Variants in TENM1 observed in about 807,000 individuals in gnomAD.
TENM1 encodes the protein teneurin transmembrane protein 1.
TENM1 carries 35 observed loss-of-function variants against 174.8 expected under a neutral mutation model. The observed-to-expected ratio is 0.20, with a 90% CI of 0.15 to 0.27. TENM1 has a LOEUF of 0.27. Ranked by LOEUF, TENM1 falls within the 10% of genes least tolerant of loss-of-function variation. The pLI, the probability that TENM1 is intolerant of heterozygous loss-of-function variation, is 1.00. For synonymous variants in TENM1, 781 were observed against 798.7 expected, an observed-to-expected ratio of 0.98 and a Z score of 0.37; for missense variants, 1,633 against 2,130.1, an observed-to-expected ratio of 0.77 and a Z score of 4.59.
exon 24 of TENM1, chrX:124,422,276 A>G: frequency 8.3e-7 from 1 of 1,206,280 alleles, no homozygotes; most frequent in Non-Finnish European, 1.1e-6. Flanking sequence ...TCATACCTGA[A>G]AAACAGTCAC....
chrX:124,376,337 C>A (rs938258682), exon 32 of TENM1: 8 of 112,277 alleles, frequency 7.1e-5, no homozygotes, highest in African/African-American at 2.6e-4. Flanking sequence ...TTCTCTTTTT[C>A]GCCTTCTTTC....
At chrX:125,194,282 C>T in the TENM1 span, among the ~76,000 whole-genome samples, 1 of 111,366 alleles carries the variant, frequency 9.0e-6, no homozygotes, top group African/African-American at 3.3e-5. Flanking sequence ...TTCCTCACAC[C>T]CTAAATTAAA....
chrX:124,904,062 T>TGTGTGTGC (rs1329855296), intron 1 of TENM1, among the ~76,000 whole-genome samples: 1 of 107,021 alleles, frequency 9.3e-6, no homozygotes, highest in Non-Finnish European at 1.9e-5. Flanking sequence ...TGGGTGCGTG[T>TGTGTGTGC]GTGTGTGCGT....
intron 23 of TENM1, among the ~76,000 whole-genome samples, chrX:124,430,698 C>T (rs2060770896): frequency 8.9e-6 from 1 of 111,857 alleles, no homozygotes; most frequent in Admixed American, 9.5e-5. Context: ...TCTCTTGATT[C>T]TATGTCACCA....
At chrX:124,437,159 C>T (rs865942526) in intron 23 of TENM1, among the ~76,000 whole-genome samples, 1 of 88,362 alleles carries the variant, frequency 1.1e-5, no homozygotes, top group Non-Finnish European at 2.1e-5. Flanking sequence ...GCCATGTTGG[C>T]CAGGTTGGTC....
At chrX:124,822,774 G>A (rs1175341770) in intron 3 of TENM1, among the ~76,000 whole-genome samples, 1 of 111,913 alleles carries the variant, frequency 8.9e-6, no homozygotes, top group Non-Finnish European at 1.9e-5. Context: ...CATGCTGTTT[G>A]TCTATAATCC....
At chrX:124,705,373 A>C in intron 4 of TENM1, 122 bp from the exon 8 acceptor site, 1 of 480,145 alleles carries the variant, frequency 2.1e-6, no homozygotes, top group Non-Finnish European at 3.6e-6. Context: ...GATGGAGCTC[A>C]GCAACATTTT....
chrX:124,381,561 A>G (rs761946868), intron 31 of TENM1, among the ~76,000 whole-genome samples: 252 of 111,735 alleles, frequency 2.3e-3, no homozygotes, highest in Non-Finnish European at 3.9e-3. Flanking sequence ...CAGAGCTGGA[A>G]GGCACTTTAA....
At chrX:124,467,730 T>C (rs2061254851) in intron 22 of TENM1, among the ~76,000 whole-genome samples, 1 of 111,903 alleles carries the variant, frequency 8.9e-6, no homozygotes, top group African/African-American at 3.2e-5. Context: ...CATACATTTG[T>C]AAGTTGATTT....
At chrX:124,845,408 G>C (rs1296388018) in intron 3 of TENM1, among the ~76,000 whole-genome samples, 2 of 111,811 alleles carry the variant, frequency 1.8e-5, no homozygotes, top group Non-Finnish European at 1.9e-5. Flanking sequence ...GATGCTGCTA[G>C]TCTGTGGACC....
intron 3 of TENM1, among the ~76,000 whole-genome samples, chrX:124,851,335 T>C (rs1211692551): frequency 8.9e-6 from 1 of 111,825 alleles, no homozygotes; most frequent in Non-Finnish European, 1.9e-5. Flanking sequence ...TTGAATGATA[T>C]AGGATAATAC....
At chrX:124,544,051 T>C (rs1394350386) in intron 15 of TENM1, among the ~76,000 whole-genome samples, 2 of 113,173 alleles carry the variant, frequency 1.8e-5, no homozygotes, top group Non-Finnish European at 3.7e-5. Context: ...ATTTTGCCGG[T>C]AGGCAAACAA....
chrX:124,628,936 A>G (rs1381662577), intron 11 of TENM1, among the ~76,000 whole-genome samples: 1 of 111,630 alleles, frequency 9.0e-6, no homozygotes, highest in Non-Finnish European at 1.9e-5. Flanking sequence ...TATAGTGAGG[A>G]TGTAATAGCT....
At chrX:124,471,493 TTATATAATATATAATATATAGTAA>T (rs889016412) in intron 22 of TENM1, among the ~76,000 whole-genome samples, 2 of 63,328 alleles carry the variant, frequency 3.2e-5, no homozygotes. Flanking sequence ...ATATATAGTA[TTATATAATATATAATATATAGTAA>T]TATATAATAT....
the TENM1 span, among the ~76,000 whole-genome samples, chrX:125,085,150 A>C: frequency 2.7e-5 from 3 of 110,247 alleles, no homozygotes; most frequent in Admixed American, 2.9e-4. Context: ...CGTTTATTTT[A>C]ACTTGAACAG....
At chrX:124,844,447 T>C (rs1350906205) in intron 3 of TENM1, among the ~76,000 whole-genome samples, 2 of 111,449 alleles carry the variant, frequency 1.8e-5, no homozygotes, top group East Asian at 5.7e-4. Flanking sequence ...TCCGTAACAC[T>C]GCCTTTGGTG....
chrX:124,953,827 C>G (rs1822211660), intron 1 of TENM1, among the ~76,000 whole-genome samples: 1 of 111,882 alleles, frequency 8.9e-6, no homozygotes, highest in African/African-American at 3.2e-5. Flanking sequence ...AGAATCAATT[C>G]TCATACTATG....
At chrX:125,128,083 A>G in the TENM1 span, among the ~76,000 whole-genome samples, 24 of 111,381 alleles carry the variant, frequency 2.2e-4, no homozygotes, top group African/African-American at 7.2e-4. Context: ...CCCCTCCACA[A>G]AAAGCTTGTC....
At chrX:124,548,037 C>A (rs745925020) in intron 14 of TENM1, among the ~76,000 whole-genome samples, 110 of 111,276 alleles carry the variant, frequency 9.9e-4, no homozygotes, top group Admixed American at 3.7e-3. Context: ...GGGGTTTCAC[C>A]GTGTTAGCCA....
Sources: gnomAD v4.1 joint callset for allele counts (sites outside exome capture counted in the v4.1 genomes callset) on GRCh38, gnomAD v4.1.1 for gene constraint, MANE v1.5 for transcripts, NCBI Gene and HGNC (gene_info 2026-07-23, HGNC 2026-07-21) for gene names.